The following RANBP17 variants were observed in gnomAD, a reference collection of about 807,000 sequenced individuals.
RANBP17 encodes RAN binding protein 17.
A neutral mutation model predicts 141.2 loss-of-function variants in RANBP17; 158 were observed. The observed-to-expected ratio is 1.12, with a 90% CI of 0.98 to 1.28. RANBP17 has a LOEUF of 1.28. RANBP17 is among the 50% of genes most tolerant of loss of function. RANBP17 has a pLI of 0.00. For missense variants in RANBP17, 1,438 were observed against 1,290.7 expected (o/e 1.11, Z -1.75); for synonymous variants, 430 against 450.0 (o/e 0.96, Z 0.56).
chr5:171,281,500 G>A (rs1362516062), intron 25 of RANBP17, among the ~76,000 whole-genome samples: 1 of 152,136 alleles, frequency 6.6e-6, no homozygotes, highest in African/African-American at 2.4e-5. Context: ...TGATGGGTGG[G>A]CAGTAGAAGA....
rs540184713 is a variant in RANBP17 at position 171,067,299 on chromosome 5, C to G, written c.1710+98922C>G. The stretch of plus-strand genomic sequence containing the variant: ...CTCATATCTAGCTCTGTCCCCTCCC[C>G]TTTGCATTATTATTATTGCCACAAA... On this transcript the variant is annotated intron_variant, in intron 14 of 27. Coordinates refer to ENST00000523189, the MANE Select transcript of RANBP17 (RefSeq NM_022897.5). Among the ~76,000 whole-genome samples the G allele has an allele frequency of 1.2e-4, 18 of 152,236 alleles. 1 individual carries two copies. The South Asian group carries it at 3.7e-3, about 32-fold the overall frequency.
chr5:171,287,926 G>A (rs992112057), intron 25 of RANBP17, among the ~76,000 whole-genome samples: 2 of 151,818 alleles, frequency 1.3e-5, no homozygotes, highest in African/African-American at 4.8e-5. Context: ...TTTTTCTCCT[G>A]TTTCTTAGAA....
Position 171,077,524 on chromosome 5 carries a change from A to G in RANBP17, c.1711-92606A>G, listed in dbSNP as rs555852151. ...AAATTTAAAATCGCCCTAAAAGAGA[A>G]GACACCATAAGCTAAGTTAGAGACA... is the stretch of plus-strand genomic sequence containing the variant. On this transcript the variant is annotated intron_variant, in intron 14 of 27. Transcript: ENST00000523189. 2.6e-4 allele frequency among the ~76,000 whole-genome samples: 39 copies of G among 152,300 alleles called. No homozygotes were observed. The South Asian group carries it at 8.1e-3, about 32-fold the overall frequency.
rs1317829364 is a variant in RANBP17 at position 171,289,606 on chromosome 5, G to A, written c.2944-4277G>A. On this transcript the variant is annotated intron_variant, in intron 25 of 27. Coordinates refer to ENST00000523189, the MANE Select transcript of RANBP17 (RefSeq NM_022897.5). Reference sequence around the variant, plus strand: ...ATCAAACCATTAGCCAAGTATGGTGGCACCTGCCTGTAGTCCCAGCCACAC... The same window carrying A: ...ATCAAACCATTAGCCAAGTATGGTGACACCTGCCTGTAGTCCCAGCCACAC... 5.9e-5 allele frequency among the ~76,000 whole-genome samples: 9 copies of A among 152,230 alleles called. No individual in the cohort carries two copies. The East Asian group carries it at 9.7e-4, about 16-fold the overall frequency.
intron 16 of RANBP17, among the ~76,000 whole-genome samples, chr5:171,177,723 C>T (rs1211270377): frequency 1.3e-5 from 2 of 152,008 alleles, no homozygotes; most frequent in East Asian, 1.9e-4. Context: ...TCTTTCAAGT[C>T]GTGGTTTATT....
At chr5:170,993,099 TATCTTACTTAACCTGTGATCTAGAGAA>T (rs958547266) in intron 14 of RANBP17, among the ~76,000 whole-genome samples, 1 of 152,066 alleles carries the variant, frequency 6.6e-6, no homozygotes, top group African/African-American at 2.4e-5. Context: ...TCCTTTCTTT[TATCTTACTTAACCTGTGATCTAGAGAA>T]GGGAAGGGGG....
chr5:171,026,445 C>T (rs569213242), intron 14 of RANBP17, among the ~76,000 whole-genome samples: 20 of 152,260 alleles, frequency 1.3e-4, no homozygotes, highest in South Asian at 6.2e-4. Flanking sequence ...ATAGTTACTG[C>T]GAAAACTCCT....
At chr5:170,862,609 G>A (rs1368963566) in intron 1 of RANBP17, among the ~76,000 whole-genome samples, 3 of 152,182 alleles carry the variant, frequency 2.0e-5, no homozygotes, top group Admixed American at 6.5e-5. Flanking sequence ...CGTCTGGGGG[G>A]AGTTGCGAGG....
intron 12 of RANBP17, among the ~76,000 whole-genome samples, chr5:170,945,695 A>G (rs1774693702): frequency 6.6e-6 from 1 of 152,180 alleles, no homozygotes; most frequent in African/African-American, 2.4e-5. Flanking sequence ...GGCATGTTTT[A>G]TCAAGGGCTA....
chr5:171,152,451 C>A (rs2127835279), intron 14 of RANBP17, among the ~76,000 whole-genome samples: 1 of 151,114 alleles, frequency 6.6e-6, no homozygotes, highest in Middle Eastern at 3.5e-3. Flanking sequence ...AAGATACAAG[C>A]TTTACCCCTC....
intron 25 of RANBP17, among the ~76,000 whole-genome samples, chr5:171,274,097 G>C (rs1259644897): frequency 6.7e-6 from 1 of 148,448 alleles, no homozygotes; most frequent in Non-Finnish European, 1.5e-5. Context: ...TAAAAATAAA[G>C]TTTAGTTTGA....
Position 171,296,574 on chromosome 5 carries a change from T to C in RANBP17, c.3170+560T>C, listed in dbSNP as rs376275120. 1.3e-3 allele frequency among the ~76,000 whole-genome samples: 201 copies of C among 152,332 alleles called. 9 individuals carry two copies. In the South Asian group the frequency reaches 0.04, roughly 30 times the overall value. ...TACACATTCTGTGCATATAACAAAA[T>C]ATTGCATGTACCCCATAATGATGTA... On this transcript the variant is annotated intron_variant, in intron 27 of 27. Coordinates refer to ENST00000523189, the MANE Select transcript of RANBP17 (RefSeq NM_022897.5).
At position 170,902,178 on chromosome 5, in the gene RANBP17, C is replaced by G. The variant is rs368065361; in HGVS notation, c.489+6063C>G. On this transcript the variant is annotated intron_variant, in intron 5 of 27. Transcript: ENST00000523189. ...TACACCAATCAAACATAGGTTTGGC[C>G]TTTTCACATAGTCCCATATTTCTTG... Among the ~76,000 whole-genome samples, 62 of 152,264 alleles carry G rather than the reference C, an allele frequency of 4.1e-4. 1 individual carries two copies. In the South Asian group the frequency reaches 0.012, roughly 31 times the overall value.
chr5:171,296,776 G>A (rs776710581), intron 27 of RANBP17, among the ~76,000 whole-genome samples: 6 of 152,186 alleles, frequency 3.9e-5, no homozygotes, highest in Admixed American at 3.9e-4. Context: ...AGCTGGGCAT[G>A]GTGGCACGTG....
At chr5:170,962,654 T>G (rs1776238518) in intron 13 of RANBP17, among the ~76,000 whole-genome samples, 1 of 152,214 alleles carries the variant, frequency 6.6e-6, no homozygotes, top group African/African-American at 2.4e-5. Context: ...GCTTTACTCC[T>G]CATCTCAAAA....
chr5:170,862,466 C>T (rs897701886), intron 1 of RANBP17, among the ~76,000 whole-genome samples: 1 of 152,228 alleles, frequency 6.6e-6, no homozygotes, highest in Admixed American at 6.5e-5. Flanking sequence ...CGCCTTCCCG[C>T]CGCGTCGCCG....
At chr5:171,004,778 A>G (rs1410318464) in intron 14 of RANBP17, among the ~76,000 whole-genome samples, 3 of 152,166 alleles carry the variant, frequency 2.0e-5, no homozygotes, top group African/African-American at 7.2e-5. Flanking sequence ...GCCCACACAG[A>G]CAGGGCACGG....
chr5:171,139,992 C>G (rs1229086506), intron 14 of RANBP17, among the ~76,000 whole-genome samples: 3 of 150,682 alleles, frequency 2.0e-5, no homozygotes, highest in Admixed American at 2.0e-4. Flanking sequence ...AGCATAAACT[C>G]TCTTATAACT....
At chr5:171,039,884 A>G (rs1561582418) in intron 14 of RANBP17, among the ~76,000 whole-genome samples, 1 of 152,126 alleles carries the variant, frequency 6.6e-6, no homozygotes, top group Non-Finnish European at 1.5e-5. Context: ...AGTAATAAAA[A>G]CCTACCAACC....
Sources: allele counts gnomAD v4.1 joint callset (sites outside exome capture counted in the v4.1 genomes callset), GRCh38; gene constraint gnomAD v4.1.1; transcripts MANE v1.5; gene names NCBI Gene and HGNC (gene_info 2026-07-23, HGNC 2026-07-21).